SLC27A6: variants seen among roughly 807,000 people sequenced by gnomAD.
The protein encoded by SLC27A6 is long-chain fatty acid transport protein 6.
A neutral mutation model predicts 63.9 loss-of-function variants in SLC27A6; 74 were observed. The observed-to-expected ratio is 1.16, with a 90% CI of 0.96 to 1.40. The LOEUF is 1.40. SLC27A6 is among the 40% of genes most tolerant of loss of function. The probability of loss-of-function intolerance (pLI) is 0.00; values close to 1 mark genes in which losing one functional copy is unlikely to be tolerated. For synonymous variants in SLC27A6, 287 were observed against 260.8 expected, an observed-to-expected ratio of 1.10 and a Z score of -0.97; for missense variants, 794 against 732.9, an observed-to-expected ratio of 1.08 and a Z score of -0.96.
rs1270769934 is a variant in SLC27A6 at position 129,027,218 on chromosome 5, A to G, written c.1341A>G (p.Lys447=). The change falls in exon 7 of 10, where the codon AAA becomes AAG. Residue 447 remains lysine, a synonymous_variant. Coordinates refer to ENST00000262462, the MANE Select transcript of SLC27A6 (RefSeq NM_001017372.3). ...YAGPYKHTKD[K]LLCDVFKKGD... is the part of the protein sequence containing the mutation. ...GGCCTTATAAGCACACAAAAGACAA[A>G]TTGCTTTGTGATGTTTTTAAGAAGG... 1 of 1,613,328 alleles carries G rather than the reference A, an allele frequency of 6.2e-7. No individual in the cohort carries two copies. Among genetic ancestry groups the G allele is most frequent in the Non-Finnish European group, 8.5e-7 (1 of 1,179,508 alleles).
At chr5:128,974,637 T>A (rs1750315221) in intron 1 of SLC27A6, among the ~76,000 whole-genome samples, 1 of 152,214 alleles carries the variant, frequency 6.6e-6, no homozygotes, top group Non-Finnish European at 1.5e-5. Context: ...TATTAAATCA[T>A]TATACCCCCA....
chr5:128,992,644 G>A (rs183358725), intron 4 of SLC27A6, among the ~76,000 whole-genome samples: 21 of 152,244 alleles, frequency 1.4e-4, no homozygotes, highest in African/African-American at 4.1e-4. Flanking sequence ...GGTAAGGGAG[G>A]TAGTCTTAAT....
chr5:128,981,731 T>G (rs1208781478), intron 1 of SLC27A6, among the ~76,000 whole-genome samples: 2 of 152,140 alleles, frequency 1.3e-5, no homozygotes, highest in African/African-American at 4.8e-5. Flanking sequence ...CTTAAAGTAT[T>G]TAAACAAATG....
chr5:129,025,954 G>A (rs1752230496), intron 6 of SLC27A6, among the ~76,000 whole-genome samples: 1 of 152,082 alleles, frequency 6.6e-6, no homozygotes, highest in African/African-American at 2.4e-5. Flanking sequence ...GGGCAACCTG[G>A]TGAGACCTCG....
chr5:129,001,758 G>T (rs1271327100), intron 4 of SLC27A6, among the ~76,000 whole-genome samples: 1 of 152,154 alleles, frequency 6.6e-6, no homozygotes, highest in Non-Finnish European at 1.5e-5. Flanking sequence ...AGCTTGAGAG[G>T]TTCACTTTTC....
chr5:128,976,723 C>A (rs950986115), intron 1 of SLC27A6, among the ~76,000 whole-genome samples: 1 of 152,076 alleles, frequency 6.6e-6, no homozygotes, highest in Non-Finnish European at 1.5e-5. Context: ...CAGTGCAAGG[C>A]TGCATGCATT....
intron 4 of SLC27A6, among the ~76,000 whole-genome samples, chr5:128,998,484 A>G (rs1487138496): frequency 6.6e-6 from 1 of 152,086 alleles, no homozygotes; most frequent in Non-Finnish European, 1.5e-5. Flanking sequence ...ATTCCATATA[A>G]ATAGATCATG....
rs985602793 is a variant in SLC27A6, at chr5:129,033,174, A to T, written c.1752A>T (p.Pro584=). 2.5e-6 allele frequency: 4 copies of T among 1,609,736 alleles called. No homozygotes were observed. Among genetic ancestry groups the T allele is most frequent in the Non-Finnish European group, 3.4e-6 (4 of 1,177,480 alleles). The change falls in exon 10 of 10, where the codon CCA becomes CCT. Residue 584 remains proline (P), a synonymous_variant. Transcript: ENST00000262462. The stretch of plus-strand genomic sequence containing the variant: ...AGTTGGTGGAAGATGGATTTAATCC[A>T]CTGAAAATTTCTGAACCACTTTACT... The part of the protein sequence containing the change: ...KHQLVEDGFN[P]LKISEPLYFM...
chr5:128,988,502 T>C (rs147782338), intron 2 of SLC27A6, 98 bp from the exon 3 acceptor site: 3 of 925,168 alleles, frequency 3.2e-6, no homozygotes, highest in Admixed American at 2.4e-5. Context: ...AGTATCATCT[T>C]CTTTCTGTTA....
intron 1 of SLC27A6, among the ~76,000 whole-genome samples, chr5:128,973,633 G>A (rs1446407594): frequency 1.3e-5 from 2 of 152,206 alleles, no homozygotes; most frequent in Non-Finnish European, 2.9e-5. Context: ...TTGGAAAAGT[G>A]CAGTATTAGA....
chr5:128,997,262 CTAGT>C (rs1580723396), intron 4 of SLC27A6, among the ~76,000 whole-genome samples: 1 of 152,016 alleles, frequency 6.6e-6, no homozygotes, highest in African/African-American at 2.4e-5. Flanking sequence ...CCTGTAAGAT[CTAGT>C]TAAAGACATT....
chr5:129,006,669 T>G (rs1751551795), intron 4 of SLC27A6, among the ~76,000 whole-genome samples: 2 of 152,166 alleles, frequency 1.3e-5, no homozygotes, highest in African/African-American at 4.8e-5. Context: ...TCAAGAAATA[T>G]CTCAATAATC....
chr5:128,983,547 G>C (rs1022007248), intron 1 of SLC27A6, among the ~76,000 whole-genome samples: 5 of 152,006 alleles, frequency 3.3e-5, no homozygotes, highest in Admixed American at 3.3e-4. Flanking sequence ...CACCTGCTTC[G>C]GCCTCCCAAA....
At chr5:128,982,647 C>A (rs1750635261) in intron 1 of SLC27A6, among the ~76,000 whole-genome samples, 1 of 152,158 alleles carries the variant, frequency 6.6e-6, no homozygotes, top group Admixed American at 6.5e-5. Context: ...ACAACAAAAT[C>A]TGGAACAAAC....
chr5:128,994,964 A>G (rs943068639), intron 4 of SLC27A6, among the ~76,000 whole-genome samples: 5 of 152,212 alleles, frequency 3.3e-5, no homozygotes, highest in African/African-American at 1.2e-4. Context: ...TGCTGGCAGC[A>G]GCATTGTTTT....
intron 4 of SLC27A6, among the ~76,000 whole-genome samples, chr5:129,013,487 G>T (rs1050447653): frequency 1.3e-5 from 2 of 152,010 alleles, no homozygotes; most frequent in African/African-American, 4.8e-5. Flanking sequence ...CCAGGCTTAC[G>T]GTCATTGTTG....
intron 5 of SLC27A6, among the ~76,000 whole-genome samples, chr5:129,020,715 A>G (rs1204672350): frequency 6.6e-6 from 1 of 152,146 alleles, no homozygotes; most frequent in Non-Finnish European, 1.5e-5. Flanking sequence ...TCAAAATAAG[A>G]GAACAGTCCC....
chr5:129,014,969 G>A (rs1751845631), intron 4 of SLC27A6, among the ~76,000 whole-genome samples: 1 of 152,084 alleles, frequency 6.6e-6, no homozygotes, highest in African/African-American at 2.4e-5. Flanking sequence ...CCATTTAAAT[G>A]GTGTTTAGAG....
chr5:128,998,282 A>G (rs1751225706), intron 4 of SLC27A6, among the ~76,000 whole-genome samples: 1 of 152,086 alleles, frequency 6.6e-6, no homozygotes, highest in Non-Finnish European at 1.5e-5. Flanking sequence ...GTGACAGAGC[A>G]AGACCTTGTT....
Sources: gnomAD v4.1 joint callset for allele counts (sites outside exome capture counted in the v4.1 genomes callset) on GRCh38, gnomAD v4.1.1 for gene constraint, MANE v1.5 for transcripts, NCBI Gene and HGNC (gene_info 2026-07-23, HGNC 2026-07-21) for gene names.